Variants in KIR2DL1 observed in about 807,000 individuals in gnomAD.
The protein encoded by KIR2DL1 is killer cell immunoglobulin like receptor, two Ig domains and long cytoplasmic tail 1.
In KIR2DL1, 38 loss-of-function variants were observed where a neutral mutation model predicts 33.9. The observed-to-expected ratio is 1.12, with a 90% CI of 0.86 to 1.47. KIR2DL1 has a LOEUF of 1.47. Among genes scored for constraint, KIR2DL1 ranks in the 40% most tolerant of loss-of-function variants. The probability of loss-of-function intolerance (pLI) is 0.00; values close to 1 mark genes in which losing one functional copy is unlikely to be tolerated. For synonymous variants in KIR2DL1, 179 were observed against 165.9 expected, an observed-to-expected ratio of 1.08 and a Z score of -0.61; for missense variants, 531 against 433.9, an observed-to-expected ratio of 1.22 and a Z score of -1.99.
rs544250778 is a variant in KIR2DL1, at chr19:54,774,921, G to C, written c.371-244G>C. Among the ~76,000 whole-genome samples the C allele has an allele frequency of 2.3e-3, 335 of 148,438 alleles. 2 individuals are homozygous for C. The highest frequency in any genetic ancestry group is 7.9e-3 in the African/African-American group (322 of 40,694). On this transcript the variant is annotated intron_variant, in intron 3 of 7. Coordinates refer to ENST00000336077, the MANE Select transcript of KIR2DL1 (RefSeq NM_014218.3). ...CATCAAGTCAACCAATCCAAGGAGAGTCAGAGAGAATAAAACAATCCAAAA... is the reference window on the plus strand; with the variant it reads ...CATCAAGTCAACCAATCCAAGGAGACTCAGAGAGAATAAAACAATCCAAAA...
At chr19:54,776,745 AT>A (rs2076392310) in intron 4 of KIR2DL1, among the ~76,000 whole-genome samples, 1 of 144,022 alleles carries the variant, frequency 6.9e-6, no homozygotes, top group African/African-American at 2.6e-5. Flanking sequence ...GGTTCAAATG[AT>A]TTTCCTGCCT....
chr19:54,776,888 C>T (rs1353478387), intron 4 of KIR2DL1, among the ~76,000 whole-genome samples: 10 of 148,000 alleles, frequency 6.8e-5, no homozygotes, highest in South Asian at 2.1e-4. Context: ...CTGAGGTGCC[C>T]GCCTCAGTCT....
At position 54,784,184 on chromosome 19, in the gene KIR2DL1, G is replaced by T. The variant is rs200544316; in HGVS notation, c.*371G>T. On this transcript the variant is annotated 3_prime_UTR_variant, in exon 8 of 8. Transcript: ENST00000336077. ...CCCTCTTAACGCAGCACTTAGACAC[G>T]TGTTGTTCCACCTTCCCTCATGCTG... The T allele has an allele frequency of 9.0e-4, 371 of 413,258 alleles. 2 individuals carry two copies. The East Asian group carries it at 0.016, about 18-fold the overall frequency. 25.6% of individuals were successfully genotyped at this position (413,258 alleles called of 1,614,324 possible). A position where few individuals can be genotyped will look rare whatever the true frequency, so the allele number is the denominator to read the frequency against.
intron 3 of KIR2DL1, among the ~76,000 whole-genome samples, chr19:54,773,894 T>A (rs1360900391): frequency 6.7e-6 from 1 of 148,392 alleles, no homozygotes; most frequent in Non-Finnish European, 1.5e-5. Flanking sequence ...GACAGACATG[T>A]CCCAGAGAGA....
At chr19:54,774,169 T>C (rs1600738315) in intron 3 of KIR2DL1, among the ~76,000 whole-genome samples, 1 of 148,648 alleles carries the variant, frequency 6.7e-6, no homozygotes. Context: ...TGTGAACTTG[T>C]AGTCTCCAGA....
intron 5 of KIR2DL1, among the ~76,000 whole-genome samples, chr19:54,781,347 A>G (rs928991258): frequency 4.7e-5 from 7 of 149,968 alleles, no homozygotes; most frequent in African/African-American, 1.7e-4. Flanking sequence ...TTCTGTGAGC[A>G]TGAGATCATA....
intron 2 of KIR2DL1, among the ~76,000 whole-genome samples, chr19:54,771,741 T>G (rs1242930448): frequency 2.5e-4 from 37 of 148,194 alleles, no homozygotes; most frequent in Admixed American, 1.6e-3. Flanking sequence ...GGGGTGCCTG[T>G]CCCTGAGCTC....
At chr19:54,772,834 C>G (rs1008284461) in intron 2 of KIR2DL1, among the ~76,000 whole-genome samples, 1 of 145,318 alleles carries the variant, frequency 6.9e-6, no homozygotes, top group Non-Finnish European at 1.5e-5. Flanking sequence ...CTCCTCCAAC[C>G]AGCACCAGGA....
At chr19:54,776,415 T>C (rs1226333291) in intron 4 of KIR2DL1, among the ~76,000 whole-genome samples, 2 of 145,908 alleles carry the variant, frequency 1.4e-5, no homozygotes, top group Admixed American at 7.0e-5. Flanking sequence ...AATGACAGGA[T>C]GTTATTCTTT....
intron 2 of KIR2DL1, among the ~76,000 whole-genome samples, chr19:54,771,493 G>T (rs1287614797): frequency 3.4e-5 from 5 of 147,242 alleles, no homozygotes; most frequent in African/African-American, 2.5e-5. Flanking sequence ...TTTAGCCCTG[G>T]GCACCAAGGT....
rs752317810 is a variant in KIR2DL1, at chr19:54,769,802, G to A, written c.-49G>A. On this transcript the variant is annotated 5_prime_UTR_variant, in exon 1 of 8. Transcript: ENST00000336077. ...CAGGGCGCCAAATAACATCCTGTGC[G>A]CTGCTGAGCTGAGCTCGGTCGCGGC... 3.4e-5 allele frequency: 53 copies of A among 1,555,996 alleles called. 5 individuals are homozygous for A. The highest frequency in any genetic ancestry group is 4.1e-5 in the Non-Finnish European group (47 of 1,136,276).
chr19:54,782,099 C>T (rs773269222), intron 5 of KIR2DL1, among the ~76,000 whole-genome samples: 2 of 151,974 alleles, frequency 1.3e-5, no homozygotes, highest in East Asian at 1.9e-4. Flanking sequence ...AAAAGCTCCT[C>T]GGGACATATG....
At chr19:54,772,043 G>T in intron 2 of KIR2DL1, among the ~76,000 whole-genome samples, 1 of 138,868 alleles carries the variant, frequency 7.2e-6, no homozygotes, top group African/African-American at 2.7e-5. Flanking sequence ...TGCTGTGGTG[G>T]GAAGAATAAT....
chr19:54,774,451 T>C (rs1243961256), intron 3 of KIR2DL1, among the ~76,000 whole-genome samples: 4 of 147,784 alleles, frequency 2.7e-5, no homozygotes, highest in African/African-American at 7.4e-5. Flanking sequence ...TGGGGATGAA[T>C]TGCAGAGATT....
rs1240538191 is a variant in KIR2DL1 at position 54,770,968 on chromosome 19, T to A, written c.70+84T>A. 3.9e-6 allele frequency: 6 copies of A among 1,533,430 alleles called. 1 individual carries two copies. The highest frequency in any genetic ancestry group is 5.4e-6 in the Non-Finnish European group (6 of 1,113,966). 95.0% of individuals were successfully genotyped at this position (1,533,430 alleles called of 1,614,324 possible). On this transcript the variant is annotated intron_variant, in intron 2 of 7. Coordinates refer to ENST00000336077, the MANE Select transcript of KIR2DL1 (RefSeq NM_014218.3). ...ATGGGAGGGAAGTCCTGTCAGGGAG[T>A]CTCTCATAAACTAGGAAGAAGGGAC...
chr19:54,783,527 G>A lies in KIR2DL1; in HGVS notation c.859G>A (p.Ala287Thr), dbSNP rs1413328117. 1 of 1,613,830 alleles carries A rather than the reference G, an allele frequency of 6.2e-7. No homozygotes were observed. Among genetic ancestry groups the A allele is most frequent in the East Asian group, 2.2e-5 (1 of 44,882 alleles). The change falls in exon 7 of 8, where the codon GCG (alanine) becomes ACG (threonine). Residue 287 changes from alanine to threonine, a missense_variant. Transcript: ENST00000336077. ...CCAAGAGTCTGCAGGAAACAGAACA[G>A]CGAATAGCGAGGTAGGTACTCCTCG... ...MDQESAGNRT[A>T]NSEDSDEQDP...
rs534723091 is a variant in KIR2DL1, at chr19:54,773,698, G to C, written c.370+66G>C. The C allele has an allele frequency of 5.4e-5, 78 of 1,442,092 alleles. 5 individuals carry two copies. The Middle Eastern group carries it at 1.5e-3, about 27-fold the overall frequency. 89.3% of individuals were successfully genotyped at this position (1,442,092 alleles called of 1,614,324 possible). ...CAGAGTGAATGATCCAGGAATTGGA[G>C]ACCCAGGTGGCTGTAAGGAAGATGA... is the stretch of plus-strand genomic sequence containing the variant. On this transcript the variant is annotated intron_variant, in intron 3 of 7. Transcript: ENST00000336077.
At chr19:54,773,285 G>A (rs1569168676) in intron 2 of KIR2DL1, 48 bp from the exon 3 acceptor site, 2 of 1,530,352 alleles carry the variant, frequency 1.3e-6, no homozygotes, top group Non-Finnish European at 1.8e-6. Flanking sequence ...TGCCATGGAT[G>A]GGATGATAAA....
intron 3 of KIR2DL1, among the ~76,000 whole-genome samples, chr19:54,774,759 T>G (rs1462037530): frequency 2.7e-5 from 4 of 147,954 alleles, no homozygotes; most frequent in Non-Finnish European, 4.5e-5. Context: ...AGATGATATA[T>G]AGATATAGAT....
Sources: gnomAD v4.1 joint callset for allele counts (sites outside exome capture counted in the v4.1 genomes callset) on GRCh38, gnomAD v4.1.1 for gene constraint, MANE v1.5 for transcripts, NCBI Gene and HGNC (gene_info 2026-07-23, HGNC 2026-07-21) for gene names.